SCARA5: variants seen among roughly 807,000 people sequenced by gnomAD.
The protein encoded by SCARA5 is scavenger receptor class A member 5.
In SCARA5, 45 loss-of-function variants were observed where a neutral mutation model predicts 46.3. The ratio of observed to expected loss-of-function variants is 0.97; its 90% CI spans 0.76 to 1.24. SCARA5 has a LOEUF of 1.24. SCARA5 is among the 50% of genes most tolerant of loss of function. The pLI, the probability that SCARA5 is intolerant of heterozygous loss-of-function variation, is 0.00. For synonymous variants in SCARA5, 333 were observed against 306.5 expected (o/e 1.09, Z -0.90); for missense variants, 680 against 689.0 (o/e 0.99, Z 0.15).
intron 7 of SCARA5, among the ~76,000 whole-genome samples, chr8:27,900,297 G>A (rs1377810955): frequency 2.0e-5 from 3 of 152,184 alleles, no homozygotes; most frequent in Admixed American, 6.5e-5. Context: ...TGGGAGAAGG[G>A]AGTCCGAGGA....
chr8:27,984,556 T>TCATTCACCCATC (rs1808672811), intron 2 of SCARA5, among the ~76,000 whole-genome samples: 2 of 151,768 alleles, frequency 1.3e-5, no homozygotes, highest in Admixed American at 1.3e-4. Flanking sequence ...ATCCATCCAT[T>TCATTCACCCATC]CATTCACCCA....
chr8:27,876,738 CAG>C, intron 8 of SCARA5, among the ~76,000 whole-genome samples: 1 of 152,136 alleles, frequency 6.6e-6, no homozygotes, highest in Non-Finnish European at 1.5e-5. Context: ...AGGCAGCCTC[CAG>C]AGAGAGTGTG....
At chr8:27,941,638 C>T (rs1034128061) in intron 3 of SCARA5, among the ~76,000 whole-genome samples, 2 of 151,958 alleles carry the variant, frequency 1.3e-5, no homozygotes, top group Admixed American at 1.3e-4. Context: ...TCCATGCACA[C>T]CCTGCACCTC....
At chr8:27,900,773 T>A (rs1807138682) in intron 7 of SCARA5, among the ~76,000 whole-genome samples, 1 of 149,804 alleles carries the variant, frequency 6.7e-6, no homozygotes, top group Admixed American at 6.7e-5. Flanking sequence ...TCTCTTGAGA[T>A]ATGTATACGT....
intron 3 of SCARA5, among the ~76,000 whole-genome samples, chr8:27,954,537 T>C (rs765766896): frequency 4.6e-5 from 7 of 152,240 alleles, no homozygotes; most frequent in Non-Finnish European, 1.0e-4. Flanking sequence ...ATGTCATAGT[T>C]ACATTTGAAA....
chr8:27,953,833 C>CA (rs984674991), intron 3 of SCARA5, among the ~76,000 whole-genome samples: 4 of 151,824 alleles, frequency 2.6e-5, no homozygotes, highest in Middle Eastern at 3.2e-3. Context: ...AGTTTACACC[C>CA]AAAAAAGGTT....
At chr8:27,974,429 T>G (rs1443580136) in intron 2 of SCARA5, among the ~76,000 whole-genome samples, 1 of 152,038 alleles carries the variant, frequency 6.6e-6, no homozygotes, top group Non-Finnish European at 1.5e-5. Context: ...AGTGTTTATT[T>G]CCAAAGAAAC....
intron 7 of SCARA5, among the ~76,000 whole-genome samples, chr8:27,889,049 C>A (rs180974882): frequency 3.0e-4 from 45 of 151,954 alleles, no homozygotes; most frequent in African/African-American, 8.9e-4. Context: ...TTGTACTGAG[C>A]CTGCCCTTCA....
At position 27,930,270 on chromosome 8, in the gene SCARA5, G is replaced by A. The variant is rs773470097; in HGVS notation, c.242-8025C>T. ...TCTCATGACAGTGAATAAGTCTCAC[G>A]AGATCTGATGGTTTTATAAAGGGGA... On this transcript the variant is annotated intron_variant, in intron 3 of 8. Transcript: ENST00000354914. Among the ~76,000 whole-genome samples the A allele has an allele frequency of 4.8e-4, 73 of 152,156 alleles. 1 individual carries two copies. Among genetic ancestry groups the A allele is most frequent in the Non-Finnish European group, 1.9e-4 (13 of 68,038 alleles).
intron 2 of SCARA5, among the ~76,000 whole-genome samples, chr8:27,981,286 G>A (rs1048051655): frequency 1.3e-5 from 2 of 152,208 alleles, no homozygotes; most frequent in African/African-American, 2.4e-5. Context: ...TGTGGCCAGG[G>A]TGTGACACCC....
intron 3 of SCARA5, among the ~76,000 whole-genome samples, chr8:27,944,485 A>G (rs1808001062): frequency 6.6e-6 from 1 of 152,166 alleles, no homozygotes; most frequent in Non-Finnish European, 1.5e-5. Flanking sequence ...AAATGGCATA[A>G]AATGTTAACA....
intron 3 of SCARA5, among the ~76,000 whole-genome samples, chr8:27,947,231 C>T (rs1029094602): frequency 7.9e-5 from 12 of 152,214 alleles, no homozygotes; most frequent in Middle Eastern, 3.4e-3. Flanking sequence ...AGGCTGGTCT[C>T]GAACTCCTGA....
At chr8:27,901,288 G>C (rs887902453) in intron 7 of SCARA5, among the ~76,000 whole-genome samples, 1 of 152,062 alleles carries the variant, frequency 6.6e-6, no homozygotes. Flanking sequence ...TGCTGCTAAC[G>C]GCACGGGCTT....
intron 7 of SCARA5, among the ~76,000 whole-genome samples, chr8:27,884,678 T>C (rs1165304565): frequency 6.6e-6 from 1 of 152,174 alleles, no homozygotes; most frequent in African/African-American, 2.4e-5. Context: ...TGACTTAGCC[T>C]CTCTGTTCTG....
chr8:27,966,427 G>A lies in SCARA5; in HGVS notation c.228C>T (p.Ile76=). 1 of 1,609,982 alleles carries A rather than the reference G, an allele frequency of 6.2e-7. No individual in the cohort carries two copies. Among genetic ancestry groups the A allele is most frequent in the Non-Finnish European group, 8.5e-7 (1 of 1,178,960 alleles). ...YLLVFLILVG[I]FILAVSRPRS... ...GCCTGCTCTTACCTGCTAAGATGAA[G>A]ATGCCCACAAGAATCAGGAAGACCA... Residue 76 remains isoleucine, a synonymous_variant, in exon 3 of 9, where the codon ATC becomes ATT. Coordinates refer to ENST00000354914, the MANE Select transcript of SCARA5 (RefSeq NM_173833.6).
chr8:27,915,057 C>A, intron 4 of SCARA5, among the ~76,000 whole-genome samples: 1 of 152,178 alleles, frequency 6.6e-6, no homozygotes, highest in East Asian at 1.9e-4. Flanking sequence ...TCAAAACCAC[C>A]CCCAGAACCA....
intron 7 of SCARA5, among the ~76,000 whole-genome samples, chr8:27,895,113 G>C (rs6998306): frequency 0.15 from 23,460 of 152,162 alleles, 1,974 homozygotes; most frequent in East Asian, 0.23. Context: ...CCCCCTGAAA[G>C]AGCAAAACAA....
In SCARA5 at chr8:27,966,456, G is replaced by A. The variant is rs756653450; in HGVS notation, c.199C>T (p.Leu67=). ...ALKHAVLGLY[L]LVFLILVGIF... is the part of the protein sequence containing the mutation. ...CCCACAAGAATCAGGAAGACCAGCA[G>A]GTAGAGCCCCAGGACAGCATGCTTC... The change falls in exon 3 of 9, where the codon CTG becomes TTG. Residue 67 remains leucine, a synonymous_variant. Transcript: ENST00000354914. 20 of 1,613,664 alleles carry A rather than the reference G, an allele frequency of 1.2e-5. No homozygotes were observed. In the Admixed American group the frequency reaches 3.3e-4, roughly 27 times the overall value.
intron 2 of SCARA5, among the ~76,000 whole-genome samples, chr8:27,982,692 A>C (rs544471816): frequency 7.2e-5 from 11 of 152,258 alleles, no homozygotes; most frequent in African/African-American, 2.2e-4. Flanking sequence ...CATGCAGAGA[A>C]GGGAGGCTCT....
Sources: allele counts gnomAD v4.1 joint callset (sites outside exome capture counted in the v4.1 genomes callset), GRCh38; gene constraint gnomAD v4.1.1; transcripts MANE v1.5; gene names NCBI Gene and HGNC (gene_info 2026-07-23, HGNC 2026-07-21).